THSD4: variants seen among roughly 807,000 people sequenced by gnomAD.
THSD4 encodes thrombospondin type 1 domain containing 4, also known as thrombospondin type-1 domain-containing protein 4.
Under a neutral mutation model 119.0 loss-of-function variants are expected in THSD4, and 69 were observed. The observed-to-expected ratio is 0.58, with a 90% CI of 0.48 to 0.71. The LOEUF (loss-of-function observed/expected upper bound fraction) is 0.71, where lower values mean the gene tolerates loss of function less well. THSD4 is among the 30% of genes least tolerant of loss of function. THSD4 has a pLI of 0.00. For synonymous variants in THSD4, 524 were observed against 540.4 expected (o/e 0.97, Z 0.42); for missense variants, 1,393 against 1,391.1 (o/e 1.00, Z -0.02).
chr15:71,282,537 A>G (rs2044665492), intron 6 of THSD4, among the ~76,000 whole-genome samples: 1 of 152,158 alleles, frequency 6.6e-6, no homozygotes. Flanking sequence ...CTTGGTTCCG[A>G]CATATCCTAG....
At chr15:71,647,474 A>G (rs565304613) in intron 7 of THSD4, among the ~76,000 whole-genome samples, 1 of 152,306 alleles carries the variant, frequency 6.6e-6, no homozygotes, top group African/African-American at 2.4e-5. Flanking sequence ...ATGGAACACA[A>G]TGTCTTTATT....
intron 1 of THSD4, chr15:71,097,083 T>C (rs2040233709): frequency 6.6e-6 from 1 of 152,172 alleles, no homozygotes; most frequent in African/African-American, 2.4e-5. Context: ...CTAATGAAAT[T>C]AAAATGGTTT....
intron 5 of THSD4, 105 bp downstream of exon 5, chr15:71,243,201 A>G: frequency 4.6e-6 from 5 of 1,098,438 alleles, no homozygotes; most frequent in Admixed American, 2.7e-5. Flanking sequence ...TGTCTGGGCC[A>G]TGTTAACACA....
At chr15:71,115,203 C>G (rs2141348225), upstream of THSD4, 1 of 153,362 alleles carries the variant, frequency 6.5e-6, no homozygotes, top group Non-Finnish European at 1.5e-5. This position sits in a 1 kb window ranked among gnomAD's most constrained non-coding sequence, Gnocchi z 4.4. Context: ...CTTAGACGAC[C>G]CTGGCCAGCT....
intron 6 of THSD4, among the ~76,000 whole-genome samples, chr15:71,337,788 G>A (rs1381325562): frequency 6.6e-6 from 1 of 152,138 alleles, no homozygotes; most frequent in African/African-American, 2.4e-5. Flanking sequence ...GACGTTCCCA[G>A]CAGGCTTGAG....
At chr15:71,357,208 T>C (rs1405940605) in intron 6 of THSD4, among the ~76,000 whole-genome samples, 2 of 152,160 alleles carry the variant, frequency 1.3e-5, no homozygotes, top group African/African-American at 4.8e-5. Context: ...GCCCCACGGC[T>C]TGTGATAGTC....
At chr15:71,337,775 G>A (rs944091003) in intron 6 of THSD4, among the ~76,000 whole-genome samples, 6 of 152,106 alleles carry the variant, frequency 3.9e-5, no homozygotes, top group South Asian at 2.1e-4. Context: ...TGAGCCCACC[G>A]GAGACGTTCC....
chr15:71,168,594 C>T (rs149315525), intron 3 of THSD4, among the ~76,000 whole-genome samples: 115 of 152,298 alleles, frequency 7.6e-4, no homozygotes, highest in African/African-American at 2.6e-3. Flanking sequence ...AACAGAGATA[C>T]TGCAGAATGA....
intron 6 of THSD4, among the ~76,000 whole-genome samples, chr15:71,272,288 C>T (rs959598754): frequency 2.0e-5 from 3 of 149,180 alleles, no homozygotes; most frequent in African/African-American, 7.4e-5. Flanking sequence ...GTAGTCCCAG[C>T]TACTCGGGAG....
intron 6 of THSD4, among the ~76,000 whole-genome samples, chr15:71,401,079 C>A (rs1437266021): frequency 6.6e-6 from 1 of 152,074 alleles, no homozygotes; most frequent in Non-Finnish European, 1.5e-5. Flanking sequence ...CACTTTTTGT[C>A]CCCTCCCATC....
intron 7 of THSD4, among the ~76,000 whole-genome samples, chr15:71,626,759 C>A (rs2050517376): frequency 6.6e-6 from 1 of 152,164 alleles, no homozygotes; most frequent in Admixed American, 6.6e-5. Context: ...GTGTTTTACT[C>A]AAGATCATGA....
chr15:71,215,321 C>T lies in THSD4; in HGVS notation c.386C>T (p.Ala129Val). The T allele has an allele frequency of 6.5e-7, 1 of 1,529,934 alleles. No individual in the cohort carries two copies. The highest frequency in any genetic ancestry group is 8.7e-7 in the Non-Finnish European group (1 of 1,144,558). The allele number at this position is 1,529,934 out of a possible 1,614,324, so 94.8% of individuals were successfully genotyped here. Residue 129 changes from alanine to valine, a missense_variant, in exon 4 of 18, where the codon GCC becomes GTC. Physicochemically the swap from Ala to Val is moderately conservative, Grantham distance 64. Coordinates refer to ENST00000261862, the MANE Select transcript of THSD4 (RefSeq NM_024817.3). Reference sequence around the variant, plus strand: ...ACGCCAGCGCTGGCCGGTACGGACGCCAGCCGCCAGGGCCCCACGGTGCTG... The same window carrying T: ...ACGCCAGCGCTGGCCGGTACGGACGTCAGCCGCCAGGGCCCCACGGTGCTG... ...DETPALAGTD[A>V]SRQGPTVLRG...
chr15:71,607,470 G>A (rs1030433199), intron 7 of THSD4, among the ~76,000 whole-genome samples: 2 of 152,242 alleles, frequency 1.3e-5, no homozygotes, highest in African/African-American at 4.8e-5. Context: ...TCAAAGGTGA[G>A]AAAGGTATGT....
rs148449022 is a variant in THSD4, at chr15:71,594,290, C to A, written c.1153-66240C>A. Among the ~76,000 whole-genome samples the A allele has an allele frequency of 7.7e-3, 1,170 of 152,014 alleles. 3 individuals carry two copies. The highest frequency in any genetic ancestry group is 0.012 in the Non-Finnish European group (797 of 67,970). Reference sequence around the variant, plus strand: ...ATGGCACGATCTCAGTTCACTGCAACCTCCAACTCCCGGGTTCAAACTATT... The same window carrying A: ...ATGGCACGATCTCAGTTCACTGCAAACTCCAACTCCCGGGTTCAAACTATT... On this transcript the variant is annotated intron_variant, in intron 7 of 17. Transcript: ENST00000261862.
At chr15:71,653,987 A>G (rs1418055189) in intron 7 of THSD4, among the ~76,000 whole-genome samples, 2 of 152,214 alleles carry the variant, frequency 1.3e-5, no homozygotes, top group Admixed American at 1.3e-4. Context: ...CTTTCAATTT[A>G]GACCAGGGAT....
intron 3 of THSD4, among the ~76,000 whole-genome samples, chr15:71,210,523 G>A (rs1242335323): frequency 6.6e-6 from 1 of 152,142 alleles, no homozygotes; most frequent in Non-Finnish European, 1.5e-5. Context: ...TTGCTGCTTT[G>A]TTTGGTGGGA....
At chr15:71,436,244 C>G (rs1464499934) in intron 7 of THSD4, among the ~76,000 whole-genome samples, 2 of 152,122 alleles carry the variant, frequency 1.3e-5, no homozygotes, top group Non-Finnish European at 2.9e-5. Flanking sequence ...TATCCTACTT[C>G]TACCCTGTGA....
chr15:71,157,584 A>G (rs1187804660), intron 3 of THSD4, among the ~76,000 whole-genome samples: 2 of 151,194 alleles, frequency 1.3e-5, no homozygotes, highest in African/African-American at 4.9e-5. Context: ...CTTTGTACCC[A>G]TTGACCAACC....
intron 8 of THSD4, among the ~76,000 whole-genome samples, chr15:71,695,944 T>C (rs1335346698): frequency 2.0e-5 from 3 of 152,160 alleles, no homozygotes; most frequent in African/African-American, 7.2e-5. Flanking sequence ...ATCTGTAAAA[T>C]GTAAATAGCA....
Sources: gnomAD v4.1 joint callset for allele counts (sites outside exome capture counted in the v4.1 genomes callset) on GRCh38, gnomAD v4.1.1 for gene constraint, Gnocchi (gnomAD v3.1) non-coding constraint, MANE v1.5 for transcripts, NCBI Gene and HGNC (gene_info 2026-07-23, HGNC 2026-07-21) for gene names.